NAA25: variants seen among roughly 807,000 people sequenced by gnomAD.
NAA25 encodes the protein N-alpha-acetyltransferase 25, NatB auxiliary subunit, also known as N-terminal acetyltransferase B complex subunit NAA25.
Under a neutral mutation model 132.5 loss-of-function variants are expected in NAA25, and 30 were observed. The observed-to-expected ratio is 0.23, with a 90% CI of 0.17 to 0.31. The LOEUF is 0.31. Ranked by LOEUF, NAA25 falls within the 10% of genes least tolerant of loss-of-function variation. The pLI, the probability that NAA25 is intolerant of heterozygous loss-of-function variation, is 1.00. For synonymous variants in NAA25, 359 were observed against 401.9 expected (o/e 0.89, Z 1.28); for missense variants, 771 against 1,150.4 (o/e 0.67, Z 4.77).
At chr12:112,072,140 A>T (rs2078819377) in intron 9 of NAA25, 76 bp from the exon 10 acceptor site, 7 of 1,130,434 alleles carry the variant, frequency 6.2e-6, no homozygotes, top group East Asian at 2.6e-5. Context: ...AGCCAAACTC[A>T]TTTAAAAAGA....
chr12:112,071,777 GC>G, intron 10 of NAA25, 117 bp downstream of exon 10: 1 of 676,686 alleles, frequency 1.5e-6, no homozygotes, highest in African/African-American at 1.9e-5. Context: ...ATATTTTCAG[GC>G]TATGAAGACA....
At chr12:112,058,721 C>T (rs1025166283) in intron 13 of NAA25, among the ~76,000 whole-genome samples, 26 of 151,820 alleles carry the variant, frequency 1.7e-4, no homozygotes, top group African/African-American at 5.6e-4. Flanking sequence ...GTCAGGAGTT[C>T]GAGACCAGCC....
intron 1 of NAA25, among the ~76,000 whole-genome samples, chr12:112,102,503 G>T (rs1845334831): frequency 6.6e-6 from 1 of 152,134 alleles, no homozygotes; most frequent in African/African-American, 2.4e-5. Flanking sequence ...CAGTTTAAAA[G>T]TCTAGGTCAG....
intron 23 of NAA25, among the ~76,000 whole-genome samples, chr12:112,032,209 G>A (rs928567754): frequency 2.0e-5 from 3 of 151,924 alleles, no homozygotes; most frequent in Non-Finnish European, 4.4e-5. Context: ...TTCGTGATCT[G>A]CCTCCCTCCG....
chr12:112,068,785 A>G (rs765373766), intron 11 of NAA25, 95 bp downstream of exon 11: 8 of 684,388 alleles, frequency 1.2e-5, no homozygotes, highest in Non-Finnish European at 2.0e-5. Context: ...ATGATTATCA[A>G]TTCCGCACAT....
At chr12:112,071,825 TCA>T in intron 10 of NAA25, 68 bp downstream of exon 10, 1 of 1,272,098 alleles carries the variant, frequency 7.9e-7, no homozygotes, top group Admixed American at 2.2e-5. Context: ...AGTGTAGATC[TCA>T]ACTAATGAAT....
intron 11 of NAA25, among the ~76,000 whole-genome samples, chr12:112,068,142 G>A (rs12300900): frequency 0.041 from 6,228 of 151,986 alleles, 281 homozygotes; most frequent in African/African-American, 0.11. Flanking sequence ...GGGCTCAAGC[G>A]ATCCTGCCGC....
At chr12:112,044,498 G>A (rs568839423) in intron 17 of NAA25, among the ~76,000 whole-genome samples, 1 of 151,020 alleles carries the variant, frequency 6.6e-6, no homozygotes, top group East Asian at 2.0e-4. Context: ...GTGAAACCCC[G>A]TCTCTACTAA....
chr12:112,072,058 T>C lies in NAA25; in HGVS notation c.873A>G (p.Leu291=). 6 of 1,609,994 alleles carry C rather than the reference T, an allele frequency of 3.7e-6. No homozygotes were observed. Among genetic ancestry groups the C allele is most frequent in the Non-Finnish European group, 5.1e-6 (6 of 1,177,852 alleles). Residue 291 remains leucine, a synonymous_variant, in exon 10 of 24, where the codon TTA becomes TTG. Coordinates refer to ENST00000261745, the MANE Select transcript of NAA25 (RefSeq NM_024953.4). The part of the protein sequence containing the change: ...WSPPAEGEHS[L]EGEVHYSAEK... ...CTGCAGAATAATGTACTTCTCCTTC[T>C]AAAGAGCTGAGGAAAAGCACATGAA...
chr12:112,040,443 GAAC>G, intron 21 of NAA25, 35 bp downstream of exon 21: 1 of 1,273,182 alleles, frequency 7.9e-7, no homozygotes, highest in Non-Finnish European at 1.1e-6. Context: ...AGACCATTAA[GAAC>G]AACAATGTCT....
intron 4 of NAA25, among the ~76,000 whole-genome samples, chr12:112,082,845 T>C (rs1157410439): frequency 6.6e-6 from 1 of 151,776 alleles, no homozygotes; most frequent in Admixed American, 6.6e-5. Flanking sequence ...ATATTTGAGG[T>C]GAATGGGTAA....
At chr12:112,072,360 C>G (rs2078823339) in intron 9 of NAA25, among the ~76,000 whole-genome samples, 1 of 152,034 alleles carries the variant, frequency 6.6e-6, no homozygotes, top group Non-Finnish European at 1.5e-5. Flanking sequence ...GTAATCCCAG[C>G]ACTTTGGAAG....
chr12:112,074,808 G>T, intron 8 of NAA25, 44 bp from the exon 9 acceptor site: 1 of 1,251,996 alleles, frequency 8.0e-7, no homozygotes, highest in Non-Finnish European at 1.1e-6. Flanking sequence ...AACCCAAGTT[G>T]TGACAGATCT....
intron 5 of NAA25, among the ~76,000 whole-genome samples, chr12:112,079,716 T>C (rs2078942869): frequency 6.6e-6 from 1 of 152,174 alleles, no homozygotes; most frequent in African/African-American, 2.4e-5. Flanking sequence ...CATCCTCTCC[T>C]ATACAGAATC....
chr12:112,095,958 C>T lies in NAA25; in HGVS notation c.59-2822G>A, dbSNP rs544337308. On this transcript the variant is annotated intron_variant, in intron 1 of 23. Transcript: ENST00000261745. ...GAATACACAACACAAAGAATGAAGC[C>T]TAAACTATTTACGGATTTTAATTAA... is the stretch of plus-strand genomic sequence containing the variant. Among the ~76,000 whole-genome samples the T allele has an allele frequency of 1.4e-3, 212 of 152,164 alleles. 8 individuals are homozygous for T. The South Asian group carries it at 0.043, about 31-fold the overall frequency.
chr12:112,047,633 T>C, intron 17 of NAA25, 32 bp downstream of exon 17: 1 of 1,601,360 alleles, frequency 6.2e-7, no homozygotes, highest in Non-Finnish European at 8.5e-7. Flanking sequence ...AACAAAAACT[T>C]TAAAAATTGC....
At chr12:112,039,385 ATATC>A in intron 21 of NAA25, 46 bp from the exon 22 acceptor site, 1 of 1,142,928 alleles carries the variant, frequency 8.7e-7, no homozygotes, top group South Asian at 1.3e-5. Context: ...TACACTAAAA[ATATC>A]TATCAGGAAA....
Position 112,072,064 on chromosome 12 carries a change from G to T in NAA25, c.867C>A (p.His289Gln), listed in dbSNP as rs2136887176. Residue 289 changes from histidine (H) to glutamine (Q), a missense_variant and splice_region_variant, in exon 10 of 24, where the codon CAC becomes CAA. Physicochemically the swap from His to Gln is conservative, Grantham distance 24. Coordinates refer to ENST00000261745, the MANE Select transcript of NAA25 (RefSeq NM_024953.4). Reference protein sequence around the residue: ...EAWSPPAEGEHSLEGEVHYSA... With the variant: ...EAWSPPAEGEQSLEGEVHYSA... ...AATAATGTACTTCTCCTTCTAAAGA[G>T]CTGAGGAAAAGCACATGAAAAAGGA... 6.2e-7 allele frequency: 1 copy of T among 1,610,228 alleles called. No individual in the cohort carries two copies. Among genetic ancestry groups the T allele is most frequent in the East Asian group, 2.2e-5 (1 of 44,734 alleles).
intron 2 of NAA25, among the ~76,000 whole-genome samples, chr12:112,092,770 T>G (rs1295855989): frequency 1.3e-5 from 2 of 149,806 alleles, no homozygotes; most frequent in African/African-American, 2.4e-5. Flanking sequence ...CTCCACCTCC[T>G]GGGTTCAAGT....
Sources: gnomAD v4.1 joint callset for allele counts (sites outside exome capture counted in the v4.1 genomes callset) on GRCh38, gnomAD v4.1.1 for gene constraint, MANE v1.5 for transcripts, NCBI Gene and HGNC (gene_info 2026-07-23, HGNC 2026-07-21) for gene names.